The following PPARGC1B variants were observed in gnomAD, a reference collection of about 807,000 sequenced individuals.
The protein encoded by PPARGC1B is PPARG coactivator 1 beta.
PPARGC1B carries 34 observed loss-of-function variants against 101.6 expected under a neutral mutation model. The ratio of observed to expected loss-of-function variants is 0.33; its 90% CI spans 0.25 to 0.45. The LOEUF (loss-of-function observed/expected upper bound fraction) is 0.45, where lower values mean the gene tolerates loss of function less well. Among genes scored for constraint, PPARGC1B ranks in the 20% least tolerant of loss-of-function variants. The probability of loss-of-function intolerance (pLI) is 1.00; values close to 1 mark genes in which losing one functional copy is unlikely to be tolerated. For synonymous variants in PPARGC1B, 548 were observed against 539.3 expected, an observed-to-expected ratio of 1.02 and a Z score of -0.22; for missense variants, 1,234 against 1,317.6, an observed-to-expected ratio of 0.94 and a Z score of 0.98.
intron 1 of PPARGC1B, among the ~76,000 whole-genome samples, chr5:149,806,143 C>T (rs1040621731): frequency 2.0e-5 from 3 of 152,224 alleles, no homozygotes. Flanking sequence ...GGGGGAATCG[C>T]CAGCTACCTA....
At chr5:149,834,846 G>T in intron 6 of PPARGC1B, 136 bp downstream of exon 6, 1 of 752,636 alleles carries the variant, frequency 1.3e-6, no homozygotes, top group Non-Finnish European at 2.2e-6. Flanking sequence ...ATTGTCATCT[G>T]GGACCCTCAG....
At chr5:149,807,033 C>T (rs1757627456) in intron 1 of PPARGC1B, among the ~76,000 whole-genome samples, 1 of 151,502 alleles carries the variant, frequency 6.6e-6, no homozygotes, top group African/African-American at 2.4e-5. Context: ...CATCACAGCT[C>T]ACTGCAGCCT....
chr5:149,790,635 G>A (rs1756983715), intron 1 of PPARGC1B, among the ~76,000 whole-genome samples: 1 of 152,102 alleles, frequency 6.6e-6, no homozygotes, highest in Non-Finnish European at 1.5e-5. Flanking sequence ...GCCCTTGTTT[G>A]GGGACCTGAT....
chr5:149,749,465 T>C (rs1163475943), intron 1 of PPARGC1B, among the ~76,000 whole-genome samples: 1 of 152,202 alleles, frequency 6.6e-6, no homozygotes, highest in Non-Finnish European at 1.5e-5. Context: ...GCCCCTCCGC[T>C]ACTGCTGTCT....
At chr5:149,748,808 C>T (rs1332071776) in intron 1 of PPARGC1B, among the ~76,000 whole-genome samples, 2 of 152,108 alleles carry the variant, frequency 1.3e-5, no homozygotes, top group African/African-American at 4.8e-5. Context: ...ACAGCATGAA[C>T]GAAATGTCTG....
chr5:149,768,246 A>T (rs1485579114), intron 1 of PPARGC1B, among the ~76,000 whole-genome samples: 1 of 152,172 alleles, frequency 6.6e-6, no homozygotes, highest in African/African-American at 2.4e-5. Context: ...TAAGGCCACC[A>T]GATGCAGCTT....
At chr5:149,783,740 T>A (rs1756681612) in intron 1 of PPARGC1B, among the ~76,000 whole-genome samples, 1 of 152,190 alleles carries the variant, frequency 6.6e-6, no homozygotes, top group Non-Finnish European at 1.5e-5. Flanking sequence ...TGAGTGTCGC[T>A]AAGGCCCTTA....
At chr5:149,804,761 A>G (rs2113301383) in intron 1 of PPARGC1B, among the ~76,000 whole-genome samples, 1 of 152,322 alleles carries the variant, frequency 6.6e-6, no homozygotes, top group African/African-American at 2.4e-5. Context: ...GCGACTGAAC[A>G]GTGGGAAGGT....
chr5:149,745,123 A>C (rs1292780728), intron 1 of PPARGC1B, among the ~76,000 whole-genome samples: 1 of 151,628 alleles, frequency 6.6e-6, no homozygotes, highest in African/African-American at 2.4e-5. Flanking sequence ...CTGGTCTCGA[A>C]CTCCTAGGCT....
At chr5:149,732,917 G>C (rs745555755) in intron 1 of PPARGC1B, 2 of 415,600 alleles carry the variant, frequency 4.8e-6, no homozygotes, top group East Asian at 1.7e-4. Context: ...CCCACTCTCT[G>C]GCTGGGTGAC....
intron 1 of PPARGC1B, among the ~76,000 whole-genome samples, chr5:149,773,827 A>T (rs1201751471): frequency 6.6e-6 from 1 of 151,964 alleles, no homozygotes; most frequent in Non-Finnish European, 1.5e-5. Context: ...TGCAAACTTC[A>T]GGAGGGAACT....
chr5:149,786,812 T>A (rs1756827944), intron 1 of PPARGC1B, among the ~76,000 whole-genome samples: 1 of 152,196 alleles, frequency 6.6e-6, no homozygotes, highest in African/African-American at 2.4e-5. Flanking sequence ...AATAATAGTC[T>A]TCTCCTTCCA....
intron 3 of PPARGC1B, among the ~76,000 whole-genome samples, chr5:149,830,059 A>G (rs952760065): frequency 1.4e-5 from 2 of 146,818 alleles, no homozygotes; most frequent in Non-Finnish European, 3.0e-5. Flanking sequence ...AAAAAAGAAA[A>G]AAAAAAAAAA....
intron 1 of PPARGC1B, among the ~76,000 whole-genome samples, chr5:149,755,048 TATAC>T (rs1376435013): frequency 2.7e-5 from 2 of 73,216 alleles, no homozygotes; most frequent in Admixed American, 1.6e-4. Context: ...TACATATACA[TATAC>T]ATATATATAT....
chr5:149,857,033 A>T (rs1759972674), downstream of PPARGC1B, among the ~76,000 whole-genome samples: 1 of 152,056 alleles, frequency 6.6e-6, no homozygotes, highest in Non-Finnish European at 1.5e-5. Flanking sequence ...CGGCCTCCCA[A>T]AGTGCTGGGA....
chr5:149,832,947 C>G lies in PPARGC1B; in HGVS notation c.874C>G (p.Arg292Gly), dbSNP rs11959820. ...CATGCAGGCGATGGTGCAACTCATA[C>G]GCTACATGCACACCTACTGCCTCCC... ...EDMQAMVQLIRYMHTYCLPQR... is the reference protein window; with the variant it reads ...EDMQAMVQLIGYMHTYCLPQR... The change falls in exon 5 of 12, where the codon CGC becomes GGC. Residue 292 changes from arginine (R) to glycine (G), a missense_variant. Physicochemically the swap from Arg to Gly is moderately radical, Grantham distance 125. This residue lies in a region of PPARGC1B where 734 missense variants were observed against 768.4 expected (regional missense o/e 0.96). Transcript: ENST00000309241. The surrounding 1 kb of genome is among the most constrained non-coding windows in gnomAD (Gnocchi z 4.9). The G allele has an allele frequency of 7.4e-6, 12 of 1,613,146 alleles. No homozygotes were observed. The highest frequency in any genetic ancestry group is 9.3e-6 in the Non-Finnish European group (11 of 1,180,024).
intron 1 of PPARGC1B, among the ~76,000 whole-genome samples, chr5:149,762,222 C>A (rs1415260468): frequency 6.7e-6 from 1 of 150,156 alleles, no homozygotes; most frequent in Non-Finnish European, 1.5e-5. Context: ...AATCTCGGCT[C>A]ACTGCAACCT....
Position 149,843,705 on chromosome 5 carries a change from G to A in PPARGC1B, c.2816+1328G>A, listed in dbSNP as rs561928330. Among the ~76,000 whole-genome samples, 59 of 152,230 alleles carry A rather than the reference G, an allele frequency of 3.9e-4. No homozygotes were observed. In the South Asian group the frequency reaches 0.012, roughly 31 times the overall value. On this transcript the variant is annotated intron_variant, in intron 10 of 11. Transcript: ENST00000309241. ...GTATTTGTTCACCCAAGCTCATAACGACATTATTTACAATAGCCAAGAGGT... is the reference window on the plus strand; with the variant it reads ...GTATTTGTTCACCCAAGCTCATAACAACATTATTTACAATAGCCAAGAGGT...
At chr5:149,745,241 T>C (rs1425374234) in intron 1 of PPARGC1B, among the ~76,000 whole-genome samples, 1 of 152,130 alleles carries the variant, frequency 6.6e-6, no homozygotes, top group Admixed American at 6.5e-5. Context: ...AGGAGTTAGA[T>C]AGCTGCTCTG....
Sources: gnomAD v4.1 joint callset for allele counts (sites outside exome capture counted in the v4.1 genomes callset) on GRCh38, gnomAD v4.1.1 for gene constraint, gnomAD v4.1.1 regional missense constraint, Gnocchi (gnomAD v3.1) non-coding constraint, MANE v1.5 for transcripts, NCBI Gene and HGNC (gene_info 2026-07-23, HGNC 2026-07-21) for gene names.